Variants in LOC400499 observed in about 807,000 individuals in gnomAD.
At chr16:11,392,342 T>A in the LOC400499 span, 4 of 398,894 alleles carry the variant, frequency 1.0e-5, no homozygotes, top group Non-Finnish European at 1.8e-5. Context: ...CAGGCCCCCC[T>A]GGCAGCCGCG....
the LOC400499 span, chr16:11,399,216 CCTT>C: frequency 1.0e-6 from 1 of 985,284 alleles, no homozygotes. Flanking sequence ...TAGCATCCCA[CCTT>C]CTTCCCCATC....
At chr16:11,446,991 G>T in the LOC400499 span, 1 of 1,435,032 alleles carries the variant, frequency 7.0e-7, no homozygotes, top group Non-Finnish European at 9.2e-7. Flanking sequence ...CACGGTCTCA[G>T]CCTGGGCCTG....
the LOC400499 span, among the ~76,000 whole-genome samples, chr16:11,420,211 T>C: frequency 2.0e-5 from 3 of 151,200 alleles, no homozygotes; most frequent in Non-Finnish European, 4.4e-5. Flanking sequence ...CCAACTATCA[T>C]AGAATGGATT....
chr16:11,526,556 C>T, the LOC400499 span, among the ~76,000 whole-genome samples: 2 of 152,154 alleles, frequency 1.3e-5, no homozygotes, highest in African/African-American at 4.8e-5. Flanking sequence ...ATAAAATACA[C>T]ATTAAATGTT....
the LOC400499 span, among the ~76,000 whole-genome samples, chr16:11,378,731 T>C: frequency 6.6e-6 from 1 of 152,362 alleles, no homozygotes; most frequent in Non-Finnish European, 1.5e-5. Context: ...TTCCCACATA[T>C]TTGTGGATAT....
chr16:11,514,691 C>A, the LOC400499 span, among the ~76,000 whole-genome samples: 1 of 152,134 alleles, frequency 6.6e-6, no homozygotes, highest in South Asian at 2.1e-4. Context: ...ACCCTGAGGG[C>A]TGCATCCCTG....
At chr16:11,384,995 G>T in the LOC400499 span, 1 of 1,232,256 alleles carries the variant, frequency 8.1e-7, no homozygotes, top group Non-Finnish European at 1.0e-6. Context: ...GTCCTTCCTT[G>T]TCGTGGCAGG....
At chr16:11,497,246 G>A in the LOC400499 span, among the ~76,000 whole-genome samples, 33 of 152,070 alleles carry the variant, frequency 2.2e-4, no homozygotes, top group Admixed American at 7.9e-4. Flanking sequence ...GGATGCATGC[G>A]TGTGGGTCTT....
the LOC400499 span, among the ~76,000 whole-genome samples, chr16:11,375,939 A>G: frequency 6.6e-6 from 1 of 151,934 alleles, no homozygotes; most frequent in Non-Finnish European, 1.5e-5. Flanking sequence ...CCCCATGGAG[A>G]ACATGTTGAG....
the LOC400499 span, among the ~76,000 whole-genome samples, chr16:11,501,527 T>C: frequency 2.6e-5 from 4 of 152,002 alleles, no homozygotes; most frequent in African/African-American, 9.7e-5. Context: ...GAGCTAACTT[T>C]TAAATTTTTT....
At chr16:11,493,569 G>C in the LOC400499 span, 2 of 394,326 alleles carry the variant, frequency 5.1e-6, no homozygotes, top group Non-Finnish European at 9.0e-6. Flanking sequence ...AACTGAATAA[G>C]TGAATTAGCA....
chr16:11,518,333 G>A, the LOC400499 span, among the ~76,000 whole-genome samples: 6 of 152,116 alleles, frequency 3.9e-5, no homozygotes, highest in East Asian at 1.9e-4. Flanking sequence ...TCTGAGCTTT[G>A]AGGCCACCGA....
the LOC400499 span, among the ~76,000 whole-genome samples, chr16:11,494,348 T>G: frequency 1.3e-5 from 1 of 78,430 alleles, no homozygotes; most frequent in African/African-American, 5.0e-5. Context: ...TCAGTGGTGT[T>G]GGGGGGCAGT....
At chr16:11,456,926 C>G in the LOC400499 span, 1 of 1,536,296 alleles carries the variant, frequency 6.5e-7, no homozygotes, top group Admixed American at 2.0e-5. Flanking sequence ...ACAGCGGCCG[C>G]CCATTGTACT....
the LOC400499 span, among the ~76,000 whole-genome samples, chr16:11,484,676 G>T: frequency 6.6e-6 from 1 of 152,116 alleles, no homozygotes; most frequent in Non-Finnish European, 1.5e-5. Flanking sequence ...ACTTTTCCAT[G>T]CATAGGATCT....
At chr16:11,488,208 G>A in the LOC400499 span, among the ~76,000 whole-genome samples, 1 of 151,980 alleles carries the variant, frequency 6.6e-6, no homozygotes, top group Admixed American at 6.6e-5. Context: ...GAGTTAAGGT[G>A]ATTTTCTATT....
chr16:11,421,680 C>T, the LOC400499 span, among the ~76,000 whole-genome samples: 5 of 152,086 alleles, frequency 3.3e-5, no homozygotes, highest in East Asian at 1.9e-4. Flanking sequence ...TTGGGATATA[C>T]GACATCTTGT....
chr16:11,508,315 T>C, the LOC400499 span, among the ~76,000 whole-genome samples: 26 of 152,342 alleles, frequency 1.7e-4, no homozygotes, highest in South Asian at 4.8e-3. Context: ...ATCCACCTCC[T>C]GACTTGAAAC....
chr16:11,415,569 A>G, the LOC400499 span, among the ~76,000 whole-genome samples: 2 of 152,212 alleles, frequency 1.3e-5, no homozygotes, highest in East Asian at 3.8e-4. Context: ...CTCGTTCAAC[A>G]TTCAGCCACA....
Sources: allele counts gnomAD v4.1 joint callset (sites outside exome capture counted in the v4.1 genomes callset), GRCh38; gene constraint gnomAD v4.1.1; transcripts MANE v1.5.